The following PKP2 variants were observed in gnomAD, a reference collection of about 807,000 sequenced individuals.
The protein encoded by PKP2 is plakophilin-2.
PKP2 carries 73 observed loss-of-function variants against 83.4 expected under a neutral mutation model. That is an observed-to-expected ratio of 0.88 (90% CI 0.72 to 1.06). The LOEUF is 1.06. PKP2 is among the 50% of genes least tolerant of loss of function. The pLI, the probability that PKP2 is intolerant of heterozygous loss-of-function variation, is 0.00. For missense variants in PKP2, 966 were observed against 1,065.4 expected (o/e 0.91, Z 1.30); for synonymous variants, 409 against 430.4 (o/e 0.95, Z 0.62).
At chr12:32,834,106 C>G (rs1245122444) in intron 6 of PKP2, among the ~76,000 whole-genome samples, 1 of 152,152 alleles carries the variant, frequency 6.6e-6, no homozygotes, top group Non-Finnish European at 1.5e-5. Flanking sequence ...AAAAAATTCC[C>G]AACTCCCAAG....
intron 9 of PKP2, among the ~76,000 whole-genome samples, chr12:32,806,815 C>T (rs1257183453): frequency 6.6e-6 from 1 of 152,082 alleles, no homozygotes; most frequent in Non-Finnish European, 1.5e-5. Context: ...ACCTTGAGAT[C>T]TTTCTAGCTT....
At chr12:32,831,497 C>A (rs780737355) in intron 6 of PKP2, among the ~76,000 whole-genome samples, 8 of 152,156 alleles carry the variant, frequency 5.3e-5, no homozygotes, top group Non-Finnish European at 7.4e-5. Flanking sequence ...GAAAGACATT[C>A]TTGTGAATTC....
Position 32,828,489 on chromosome 12 carries a change from G to A in PKP2, c.1557-4327C>T, listed in dbSNP as rs150848492. Among the ~76,000 whole-genome samples, 19 of 152,274 alleles carry A rather than the reference G, an allele frequency of 1.2e-4. No homozygotes were observed. The East Asian group carries it at 3.3e-3, about 26-fold the overall frequency. ...TTTAGTGTTTGCACTAGACATTATG[G>A]TAGGCAACTTATAAATAGCATGATC... On this transcript the variant is annotated intron_variant, in intron 6 of 12. Coordinates refer to ENST00000340811, the MANE Select transcript of PKP2 (RefSeq NM_001005242.3).
At chr12:32,821,792 T>C (rs1056675974) in intron 8 of PKP2, 8 of 430,172 alleles carry the variant, frequency 1.9e-5, no homozygotes, top group Middle Eastern at 7.0e-4. Flanking sequence ...GAATTAAGCA[T>C]AGGTCATTCT....
At chr12:32,864,339 TACACAC>T (rs1956828201) in intron 4 of PKP2, among the ~76,000 whole-genome samples, 2 of 124,246 alleles carry the variant, frequency 1.6e-5, no homozygotes, top group Admixed American at 8.0e-5. Context: ...CACACACACA[TACACAC>T]GTAAATATAT....
chr12:32,859,547 C>G (rs1289140856), intron 4 of PKP2, among the ~76,000 whole-genome samples: 3 of 152,086 alleles, frequency 2.0e-5, no homozygotes, highest in African/African-American at 7.2e-5. Context: ...ACCTCTGCCC[C>G]CTGGGTTCAA....
chr12:32,800,654 C>T (rs529256972), intron 10 of PKP2, among the ~76,000 whole-genome samples: 2 of 152,254 alleles, frequency 1.3e-5, no homozygotes, highest in East Asian at 1.9e-4. Context: ...TCTGAGGGAA[C>T]GAGTCAATGC....
In PKP2 at chr12:32,798,927, A is replaced by T. The variant is rs980247194; in HGVS notation, c.2168-2629T>A. On this transcript the variant is annotated intron_variant, in intron 10 of 12. Coordinates refer to ENST00000340811, the MANE Select transcript of PKP2 (RefSeq NM_001005242.3). ...AAAAATAAGTAAATGGGATCCAATT[A>T]AACTAAAAAGCTTCTGCACAGCAAA... Among the ~76,000 whole-genome samples, 3 of 152,376 alleles carry T rather than the reference A, an allele frequency of 2.0e-5. No homozygotes were observed. In the South Asian group the frequency reaches 6.2e-4, roughly 32 times the overall value.
chr12:32,814,879 C>G lies in PKP2; in HGVS notation c.2013+6477G>C, dbSNP rs538814534. Reference sequence around the variant, plus strand: ...GGCGGAGGTTGCAGTGAGCTGAGATCGTGCCACTGGACTCCACCCTAGGCG... The same window carrying G: ...GGCGGAGGTTGCAGTGAGCTGAGATGGTGCCACTGGACTCCACCCTAGGCG... On this transcript the variant is annotated intron_variant, in intron 9 of 12. Transcript: ENST00000340811. Among the ~76,000 whole-genome samples, 464 of 151,828 alleles carry G rather than the reference C, an allele frequency of 3.1e-3. 4 individuals are homozygous for G. The highest frequency in any genetic ancestry group is 0.011 in the African/African-American group (437 of 41,408).
chr12:32,807,532 A>C (rs1956237478), intron 9 of PKP2, among the ~76,000 whole-genome samples: 1 of 152,130 alleles, frequency 6.6e-6, no homozygotes, highest in Admixed American at 6.5e-5. Flanking sequence ...TTTACATTTA[A>C]GGCTAGTATT....
intron 4 of PKP2, among the ~76,000 whole-genome samples, chr12:32,860,493 T>C (rs1956788460): frequency 6.6e-6 from 1 of 152,198 alleles, no homozygotes; most frequent in South Asian, 2.1e-4. Flanking sequence ...GTGTCTTGCC[T>C]TAAGAAGCAG....
intron 4 of PKP2, among the ~76,000 whole-genome samples, chr12:32,863,613 G>A (rs1329012904): frequency 1.3e-5 from 2 of 152,058 alleles, no homozygotes; most frequent in East Asian, 3.9e-4. Flanking sequence ...AATTACCAAA[G>A]CTCACTAAAA....
At chr12:32,848,669 G>C (rs1390910111) in intron 5 of PKP2, among the ~76,000 whole-genome samples, 1 of 152,028 alleles carries the variant, frequency 6.6e-6, no homozygotes, top group Non-Finnish European at 1.5e-5. Flanking sequence ...CGGGGGCAAG[G>C]GTTGAAAAAC....
chr12:32,806,064 A>G (rs1441439291), intron 9 of PKP2, among the ~76,000 whole-genome samples: 1 of 152,212 alleles, frequency 6.6e-6, no homozygotes, highest in Admixed American at 6.5e-5. Flanking sequence ...GATGAAACCC[A>G]CTTGATGGTG....
In PKP2 at chr12:32,861,862, C is replaced by A. The variant is rs943994053; in HGVS notation, c.1170+7065G>T. 2.6e-5 allele frequency among the ~76,000 whole-genome samples: 4 copies of A among 152,116 alleles called. No individual in the cohort carries two copies. The South Asian group carries it at 8.3e-4, about 31-fold the overall frequency. On this transcript the variant is annotated intron_variant, in intron 4 of 12. Coordinates refer to ENST00000340811, the MANE Select transcript of PKP2 (RefSeq NM_001005242.3). ...AGGAGATTTCTTATCTAAAACAATGCAAGTGATGCAAGTGAGAAGACAGTG... is the reference window on the plus strand; with the variant it reads ...AGGAGATTTCTTATCTAAAACAATGAAAGTGATGCAAGTGAGAAGACAGTG...
At chr12:32,799,684 T>C (rs1956162057) in intron 10 of PKP2, among the ~76,000 whole-genome samples, 1 of 152,090 alleles carries the variant, frequency 6.6e-6, no homozygotes, top group African/African-American at 2.4e-5. Context: ...AACTCAGGAA[T>C]GGAAAACCAA....
rs373925978 is a variant in PKP2 at position 32,896,753 on chromosome 12, G to A, written c.-22C>T. On this transcript the variant is annotated 5_prime_UTR_variant, in exon 1 of 13. Transcript: ENST00000340811. ...CCATGGGGCCGGTGGGGGCGACCGA[G>A]CTGCTCGCCTGCCTCTGGACTCGCG... The A allele has an allele frequency of 7.7e-7, 1 of 1,295,834 alleles. No individual in the cohort carries two copies. The highest frequency in any genetic ancestry group is 1.0e-6 in the Non-Finnish European group (1 of 974,142). The allele number at this position is 1,295,834 out of a possible 1,614,324, so 80.3% of individuals were successfully genotyped here.
intron 6 of PKP2, among the ~76,000 whole-genome samples, chr12:32,832,493 A>C (rs1956509739): frequency 6.6e-6 from 1 of 152,250 alleles, no homozygotes; most frequent in African/African-American, 2.4e-5. Context: ...ATAGTATAAC[A>C]TTAGAAATAT....
At chr12:32,895,864 G>C (rs913647672) in intron 1 of PKP2, among the ~76,000 whole-genome samples, 3 of 152,202 alleles carry the variant, frequency 2.0e-5, no homozygotes, top group Non-Finnish European at 2.9e-5. Flanking sequence ...GGCTGTTGCC[G>C]GCAGGGCCAA....
Sources: allele counts gnomAD v4.1 joint callset (sites outside exome capture counted in the v4.1 genomes callset), GRCh38; gene constraint gnomAD v4.1.1; transcripts MANE v1.5; gene names NCBI Gene and HGNC (gene_info 2026-07-23, HGNC 2026-07-21).